SOX6: variants seen among roughly 807,000 people sequenced by gnomAD.
SOX6 encodes the protein SRY-box transcription factor 6.
SOX6 carries 11 observed loss-of-function variants against 97.8 expected under a neutral mutation model. The observed-to-expected ratio is 0.11, with a 90% confidence interval of 0.07 to 0.19. The LOEUF (loss-of-function observed/expected upper bound fraction) is 0.19. Ranked by LOEUF, SOX6 falls within the 10% of genes least tolerant of loss-of-function variation. SOX6 has a pLI of 1.00. For missense variants in SOX6, 810 were observed against 1,039.5 expected (o/e 0.78, Z 3.04); for synonymous variants, 360 against 371.4 (o/e 0.97, Z 0.35).
intron 3 of SOX6, among the ~76,000 whole-genome samples, chr11:16,676,982 A>C (rs1847889045): frequency 6.6e-6 from 1 of 151,936 alleles, no homozygotes; most frequent in Non-Finnish European, 1.5e-5. Flanking sequence ...TCCCCAAAAT[A>C]ACTCTTTCCC....
chr11:16,124,521 C>G (rs1849563789), intron 6 of SOX6, among the ~76,000 whole-genome samples: 1 of 151,960 alleles, frequency 6.6e-6, no homozygotes, highest in African/African-American at 2.4e-5. Context: ...GAAAGCGTCT[C>G]TGAAGAGATA....
At chr11:16,086,268 T>C (rs989424795) in intron 9 of SOX6, among the ~76,000 whole-genome samples, 1 of 152,198 alleles carries the variant, frequency 6.6e-6, no homozygotes, top group Admixed American at 6.5e-5. Flanking sequence ...ATTAGTCTTG[T>C]CTCTCTGAAC....
intron 4 of SOX6, among the ~76,000 whole-genome samples, chr11:16,561,658 T>A (rs981973992): frequency 6.6e-6 from 1 of 152,218 alleles, no homozygotes; most frequent in Non-Finnish European, 1.5e-5. Flanking sequence ...TTTCAATGTA[T>A]GGTCATGAAA....
chr11:16,696,123 G>T (rs933655892), intron 3 of SOX6, among the ~76,000 whole-genome samples: 6 of 152,136 alleles, frequency 3.9e-5, no homozygotes, highest in African/African-American at 1.4e-4. Flanking sequence ...TTTAAGAAAT[G>T]AACATTTTGA....
In SOX6 at chr11:16,678,320, A is replaced by G. The variant is rs150733280; in HGVS notation, n.429+36510T>C. On this transcript the variant is annotated intron_variant and non_coding_transcript_variant, in intron 3 of 5. Coordinates refer to the SOX6 transcript ENST00000524520. ...TCCCTATAGGGACTAATTGAACAGC[A>G]TTCCTCAAGTTTTAACATGTTATGT... Among the ~76,000 whole-genome samples the G allele has an allele frequency of 1.2e-3, 186 of 152,322 alleles. 1 individual carries two copies. The highest frequency in any genetic ancestry group is 3.7e-3 in the African/African-American group (154 of 41,582).
chr11:16,088,045 C>T (rs913011321), intron 9 of SOX6, among the ~76,000 whole-genome samples: 2 of 151,970 alleles, frequency 1.3e-5, no homozygotes, highest in African/African-American at 4.8e-5. Flanking sequence ...TAGTACAGGA[C>T]CTGGCATATA....
At chr11:16,171,538 A>T (rs1851039257) in intron 6 of SOX6, among the ~76,000 whole-genome samples, 1 of 152,046 alleles carries the variant, frequency 6.6e-6, no homozygotes, top group Non-Finnish European at 1.5e-5. Context: ...TTTTTAAATA[A>T]TATCTTTTTT....
At chr11:16,149,826 T>C (rs866445271) in intron 6 of SOX6, among the ~76,000 whole-genome samples, 7 of 152,184 alleles carry the variant, frequency 4.6e-5, no homozygotes, top group Admixed American at 1.3e-4. Flanking sequence ...TTTAGCTAAC[T>C]GGTGTTAATG....
In SOX6 at chr11:16,711,867, CCT is replaced by C. The variant is rs1001004698; in HGVS notation, n.429+2961_429+2962del. Among the ~76,000 whole-genome samples the C allele has an allele frequency of 7.2e-5, 11 of 152,128 alleles. No individual in the cohort carries two copies. The South Asian group carries it at 1.7e-3, about 23-fold the overall frequency. ...TGTGTAGTCTTTTATCCCTCATCCC[CCT>C]CTCACACTTCCCCGCAAATCCCCGA... On this transcript the variant is annotated intron_variant and non_coding_transcript_variant, in intron 3 of 5. Coordinates refer to the SOX6 transcript ENST00000524520.
chr11:16,120,197 C>T (rs1050946057), intron 6 of SOX6, among the ~76,000 whole-genome samples: 1 of 145,020 alleles, frequency 6.9e-6, no homozygotes, highest in Non-Finnish European at 1.5e-5. Context: ...CTCTCTCTCA[C>T]TCCCCCTCCT....
Position 16,372,221 on chromosome 11 carries a change from T to G in SOX6, c.-4-30969A>C, listed in dbSNP as rs540673283. Among the ~76,000 whole-genome samples, 6 of 152,186 alleles carry G rather than the reference T, an allele frequency of 3.9e-5. No homozygotes were observed. The South Asian group carries it at 1.2e-3, about 31-fold the overall frequency. ...GTATAGACTGTGAAAGCCAGGTAAC[T>G]CAAGATGACCAGAATAAATAAAACA... On this transcript the variant is annotated intron_variant, in intron 1 of 15. Transcript: ENST00000396356.
chr11:16,026,165 C>G (rs555334976), intron 12 of SOX6, among the ~76,000 whole-genome samples: 1 of 152,254 alleles, frequency 6.6e-6, no homozygotes, highest in Non-Finnish European at 1.5e-5. Context: ...TTTCTTCCAG[C>G]TCTGAAATCT....
At chr11:16,530,485 A>T (rs1812676329) in intron 4 of SOX6, among the ~76,000 whole-genome samples, 1 of 152,068 alleles carries the variant, frequency 6.6e-6, no homozygotes, top group South Asian at 2.1e-4. Context: ...CTCAAGCCAC[A>T]GTATGAAAAA....
Position 16,132,266 on chromosome 11 carries a change from A to G in SOX6, c.778-20343T>C, listed in dbSNP as rs150348411. ...AAGAAAGGAAGGAAGAAAGAAAGAA[A>G]GAAGGAAGGAAGGAAGGAAGGAAGG... On this transcript the variant is annotated intron_variant, in intron 6 of 15. Transcript: ENST00000683767. 5.9e-3 allele frequency among the ~76,000 whole-genome samples: 224 copies of G among 38,214 alleles called. 15 individuals carry two copies. Among genetic ancestry groups the G allele is most frequent in the African/African-American group, 0.02 (189 of 9,316 alleles). The allele number at this position is 38,214 out of a possible 152,430, so 25.1% of individuals were successfully genotyped here.
At chr11:16,438,664 A>G (rs1859436452) in intron 1 of SOX6, among the ~76,000 whole-genome samples, 1 of 151,744 alleles carries the variant, frequency 6.6e-6, no homozygotes, top group Non-Finnish European at 1.5e-5. Flanking sequence ...TGATCTACCT[A>G]TCTCTGTCGT....
intron 3 of SOX6, among the ~76,000 whole-genome samples, chr11:16,296,046 T>C (rs1026597193): frequency 8.5e-5 from 13 of 152,136 alleles, no homozygotes; most frequent in African/African-American, 3.1e-4. Context: ...TATGGAGTTA[T>C]ACATACATAA....
intron 1 of SOX6, among the ~76,000 whole-genome samples, chr11:16,392,916 ATCT>A (rs1858228716): frequency 6.6e-6 from 1 of 152,132 alleles, no homozygotes; most frequent in African/African-American, 2.4e-5. Flanking sequence ...CACAGAGGAC[ATCT>A]TCTCATAAAC....
At chr11:15,979,822 T>C (rs1461482884) in intron 15 of SOX6, among the ~76,000 whole-genome samples, 7 of 151,988 alleles carry the variant, frequency 4.6e-5, no homozygotes, top group Non-Finnish European at 7.4e-5. Flanking sequence ...CTATTTAAAA[T>C]TGCACCCTAT....
At chr11:16,513,753 G>C (rs1860917103) in intron 4 of SOX6, among the ~76,000 whole-genome samples, 1 of 152,154 alleles carries the variant, frequency 6.6e-6, no homozygotes, top group Non-Finnish European at 1.5e-5. Context: ...CTTGAACTGT[G>C]ATTCAAACAA....
Sources: allele counts gnomAD v4.1 joint callset (sites outside exome capture counted in the v4.1 genomes callset), GRCh38; gene constraint gnomAD v4.1.1; transcripts MANE v1.5; gene names NCBI Gene and HGNC (gene_info 2026-07-23, HGNC 2026-07-21).